The following TELO2 variants were observed in gnomAD, a reference collection of about 807,000 sequenced individuals.
The protein encoded by TELO2 is telomere length regulation protein TEL2 homolog.
Under a neutral mutation model 91.0 loss-of-function variants are expected in TELO2, and 71 were observed. The observed-to-expected ratio is 0.78, with a 90% CI of 0.64 to 0.95. The LOEUF (loss-of-function observed/expected upper bound fraction) is 0.95, where lower values mean the gene tolerates loss of function less well. Among genes scored for constraint, TELO2 ranks in the 40% least tolerant of loss-of-function variants. The pLI, the probability that TELO2 is intolerant of heterozygous loss-of-function variation, is 0.00. For synonymous variants in TELO2, 584 were observed against 518.9 expected, an observed-to-expected ratio of 1.13 and a Z score of -1.71; for missense variants, 1,183 against 1,141.3, an observed-to-expected ratio of 1.04 and a Z score of -0.53.
chr16:1,501,462 TC>T lies in TELO2; in HGVS notation c.1330del (p.Gln444SerfsTer63), dbSNP rs758690070. The T allele has an allele frequency of 2.5e-6, 4 of 1,611,304 alleles. No individual in the cohort carries two copies. Among genetic ancestry groups the T allele is most frequent in the South Asian group, 2.2e-5 (2 of 90,882 alleles). On this transcript the variant is annotated frameshift_variant, in exon 10 of 21. Coordinates refer to ENST00000262319, the MANE Select transcript of TELO2 (RefSeq NM_016111.4). LOFTEE classifies it high-confidence loss of function. ...GAGCCTCGAGCTGCTGGCCTTGGCC[TC>T]CCCCCAGCCTGCGGGTGACGGCGCC... ...ELSLELLALASPQPAGDGASE... is the reference protein window; with the variant it reads ...ELSLELLALAXPQPAGDGASE...
intron 17 of TELO2, 169 bp from the exon 18 acceptor site, chr16:1,506,783 G>T: frequency 7.1e-7 from 1 of 1,415,902 alleles, no homozygotes; most frequent in Non-Finnish European, 9.2e-7. Flanking sequence ...GCCCTGCAGG[G>T]GGAGTAGGCA....
chr16:1,508,941 G>C (rs929840106), intron 20 of TELO2, among the ~76,000 whole-genome samples: 1 of 152,174 alleles, frequency 6.6e-6, no homozygotes, highest in Non-Finnish European at 1.5e-5. Flanking sequence ...TCTTTCAAGG[G>C]GGGTGAGGCC....
chr16:1,506,189 C>G (rs2039885613), intron 16 of TELO2, 49 bp from the exon 17 acceptor site: 2 of 1,599,488 alleles, frequency 1.3e-6, no homozygotes. Context: ...GGTGCCGTGC[C>G]CGCTGCCCAA....
At chr16:1,507,222 G>A in intron 18 of TELO2, 84 bp from the exon 19 acceptor site, 2 of 1,556,320 alleles carry the variant, frequency 1.3e-6, no homozygotes, top group Non-Finnish European at 1.7e-6. Flanking sequence ...CCCTGCTGCT[G>A]CCCAGCAGCG....
intron 3 of TELO2, among the ~76,000 whole-genome samples, chr16:1,496,771 A>T (rs189150114): frequency 9.9e-4 from 151 of 152,252 alleles, no homozygotes; most frequent in Middle Eastern, 6.8e-3. Context: ...CCTCGGCAAC[A>T]TCATACCGGT....
At position 1,502,323 on chromosome 16, in the gene TELO2, G is replaced by C; in HGVS notation, c.1572G>C (p.Thr524=). 1 of 1,605,408 alleles carries C rather than the reference G, an allele frequency of 6.2e-7. No individual in the cohort carries two copies. Among genetic ancestry groups the C allele is most frequent in the Non-Finnish European group, 8.5e-7 (1 of 1,177,494 alleles). The part of the protein sequence containing the change: ...YVRDCVEALT[T]SEDIERWEAA... ...CTGGGTTCTGTGCAGCCCTGACCAC[G>C]TCTGAGGACATAGAGCGCTGGGAGG... Residue 524 remains threonine, a synonymous_variant, in exon 13 of 21, where the codon ACG becomes ACC. Transcript: ENST00000262319.
chr16:1,501,714 G>C lies in TELO2; in HGVS notation c.1413G>C (p.Glu471Asp). Reference protein sequence around the residue: ...TAEPPAETPAEIVDGGVPQAQ... With the variant: ...TAEPPAETPADIVDGGVPQAQ... ...AGCCCCCTGCAGAGACCCCCGCAGA[G>C]ATCGTGGATGGCGGCGTCCCCCAAG... Residue 471 changes from glutamate (E) to aspartate (D), a missense_variant, in exon 11 of 21, where the codon GAG becomes GAC. By Grantham distance (45) the Glu-to-Asp change is conservative. Transcript: ENST00000262319. 1 of 1,612,712 alleles carries C rather than the reference G, an allele frequency of 6.2e-7. No homozygotes were observed. Among genetic ancestry groups the C allele is most frequent in the South Asian group, 1.1e-5 (1 of 91,058 alleles).
At chr16:1,500,836 G>A (rs1356968129) in intron 9 of TELO2, 137 bp downstream of exon 9, 5 of 1,392,762 alleles carry the variant, frequency 3.6e-6, no homozygotes, top group African/African-American at 2.9e-5. Flanking sequence ...TCGCAGGGCT[G>A]AGGCTGGAAG....
In TELO2 at chr16:1,502,149, C is replaced by G. The variant is rs1164432649; in HGVS notation, c.1561+14C>G. ...ACTGCGTGGAAGGTGGGCACGGGCC[C>G]CTGGAGGGCCTTGCTGGGCTGGGCA... is the stretch of plus-strand genomic sequence containing the variant. On this transcript the variant is annotated intron_variant, in intron 12 of 20. Transcript: ENST00000262319. The G allele has an allele frequency of 6.2e-7, 1 of 1,612,238 alleles. No individual in the cohort carries two copies. Among genetic ancestry groups the G allele is most frequent in the Admixed American group, 1.7e-5 (1 of 59,988 alleles).
At chr16:1,498,060 A>C in intron 5 of TELO2, among the ~76,000 whole-genome samples, 1 of 145,502 alleles carries the variant, frequency 6.9e-6, no homozygotes, top group Non-Finnish European at 1.5e-5. Context: ...TCTGTCACCC[A>C]GGCTGGACTG....
At position 1,502,144 on chromosome 16, in the gene TELO2, G is replaced by A. The variant is rs567959685; in HGVS notation, c.1561+9G>A. The A allele has an allele frequency of 1.4e-5, 22 of 1,612,546 alleles. No homozygotes were observed. The highest frequency in any genetic ancestry group is 2.2e-5 in the East Asian group (1 of 44,878). On this transcript the variant is annotated intron_variant, in intron 12 of 20. Coordinates refer to ENST00000262319, the MANE Select transcript of TELO2 (RefSeq NM_016111.4). ...CCGGGACTGCGTGGAAGGTGGGCAC[G>A]GGCCCCTGGAGGGCCTTGCTGGGCT...
In TELO2 at chr16:1,502,648, A is replaced by T; in HGVS notation, c.1657A>T (p.Ser553Cys). 6.2e-7 allele frequency: 1 copy of T among 1,611,254 alleles called. No homozygotes were observed. Among genetic ancestry groups the T allele is most frequent in the Non-Finnish European group, 8.5e-7 (1 of 1,179,784 alleles). The change falls in exon 14 of 21, where the codon AGC (serine) becomes TGC (cysteine). Residue 553 changes from serine (S) to cysteine (C), a missense_variant. Physicochemically the swap from Ser to Cys is moderately radical, Grantham distance 112. Coordinates refer to ENST00000262319, the MANE Select transcript of TELO2 (RefSeq NM_016111.4). ...YRSPTATREV[S>C]VELAKVLLHL... ...CAGCCCTAACCCCTGCGTGCAGGTG[A>T]GCGTGGAGCTGGCCAAGGTGCTTCT...
chr16:1,497,600 C>T lies in TELO2; in HGVS notation c.830+92C>T, dbSNP rs750057132. 7.9e-5 allele frequency: 114 copies of T among 1,448,302 alleles called. No homozygotes were observed. Among genetic ancestry groups the T allele is most frequent in the Admixed American group, 4.4e-4 (18 of 41,136 alleles). The allele number at this position is 1,448,302 out of a possible 1,614,324, so 89.7% of individuals were successfully genotyped here. On this transcript the variant is annotated intron_variant, in intron 5 of 20. Transcript: ENST00000262319. This position sits in a 1 kb window ranked among gnomAD's most constrained non-coding sequence, Gnocchi z 4.0. ...CCTTCACGCTACTTCTCCTGGGCGC[C>T]GTGCTGCAGCTGGCACCCCCATGTA...
chr16:1,505,727 C>A lies in TELO2; in HGVS notation c.2034+126C>A. On this transcript the variant is annotated intron_variant, in intron 16 of 20. Coordinates refer to ENST00000262319, the MANE Select transcript of TELO2 (RefSeq NM_016111.4). This position sits in a 1 kb window ranked among gnomAD's most constrained non-coding sequence, Gnocchi z 4.3. The stretch of plus-strand genomic sequence containing the variant: ...ACATTCGCTGGGGATGGTGCCTTTG[C>A]CGGGATTCCTGAAAGGCAGGGTCCA... 8.1e-7 allele frequency: 1 copy of A among 1,237,916 alleles called. No individual in the cohort carries two copies. The highest frequency in any genetic ancestry group is 1.1e-6 in the Non-Finnish European group (1 of 909,650). 76.7% of individuals were successfully genotyped at this position (1,237,916 alleles called of 1,614,324 possible).
In TELO2 at chr16:1,505,174, C is replaced by T. The variant is rs1327419176; in HGVS notation, c.1843-236C>T. 28 of 544,164 alleles carry T rather than the reference C, an allele frequency of 5.1e-5. 1 individual carries two copies. Among genetic ancestry groups the T allele is most frequent in the Non-Finnish European group, 9.2e-5 (28 of 305,436 alleles). 33.7% of individuals were successfully genotyped at this position (544,164 alleles called of 1,614,324 possible). A position where few individuals can be genotyped will look rare whatever the true frequency, so the allele number is the denominator to read the frequency against. ...GGCTTTAGGATGAGGCTGCGCTCGG[C>T]CCTGGGCGTGTTCTCATCTCCTGGA... On this transcript the variant is annotated intron_variant, in intron 15 of 20. Transcript: ENST00000262319. The surrounding 1 kb of genome is among the most constrained non-coding windows in gnomAD (Gnocchi z 4.3).
intron 18 of TELO2, 101 bp downstream of exon 18, chr16:1,507,152 G>C: frequency 6.7e-7 from 1 of 1,494,564 alleles, no homozygotes; most frequent in Non-Finnish European, 9.0e-7. Flanking sequence ...TGAGGGAGGG[G>C]CTGCCTGTGT....
In TELO2 at chr16:1,502,766, G is replaced by T; in HGVS notation, c.1770+5G>T. Reference sequence around the variant, plus strand: ...ACGGTCACAGACCCGGCCCCGGTGAGTTCCCGCACCCGTGGCCCTGGCCAG... The same window carrying T: ...ACGGTCACAGACCCGGCCCCGGTGATTTCCCGCACCCGTGGCCCTGGCCAG... On this transcript the variant is annotated splice_donor_5th_base_variant and intron_variant, in intron 14 of 20. Transcript: ENST00000262319. The T allele has an allele frequency of 6.2e-7, 1 of 1,611,228 alleles. No homozygotes were observed. Among genetic ancestry groups the T allele is most frequent in the Admixed American group, 1.7e-5 (1 of 60,016 alleles).
At chr16:1,504,549 G>GTT (rs1567303563) in intron 15 of TELO2, among the ~76,000 whole-genome samples, 1 of 140,236 alleles carries the variant, frequency 7.1e-6, no homozygotes, top group African/African-American at 2.7e-5. Flanking sequence ...ACCGTAACTG[G>GTT]TCTTTTTTTT....
rs114574212 is a variant in TELO2, at chr16:1,503,229, C to T, written c.1842+227C>T. Among the ~76,000 whole-genome samples, 919 of 152,340 alleles carry T rather than the reference C, an allele frequency of 6.0e-3. 6 individuals are homozygous for T. Among genetic ancestry groups the T allele is most frequent in the African/African-American group, 0.021 (876 of 41,576 alleles). On this transcript the variant is annotated intron_variant, in intron 15 of 20. Coordinates refer to ENST00000262319, the MANE Select transcript of TELO2 (RefSeq NM_016111.4). ...AACAGCTTTACTGATATAATTCACACGCCATAAAATTCACCGCTTTAGGGT... is the reference window on the plus strand; with the variant it reads ...AACAGCTTTACTGATATAATTCACATGCCATAAAATTCACCGCTTTAGGGT...
Sources: gnomAD v4.1 joint callset for allele counts (sites outside exome capture counted in the v4.1 genomes callset) on GRCh38, gnomAD v4.1.1 for gene constraint, Gnocchi (gnomAD v3.1) non-coding constraint, MANE v1.5 for transcripts, NCBI Gene and HGNC (gene_info 2026-07-23, HGNC 2026-07-21) for gene names.